Variants in JAK1 observed in about 807,000 individuals in gnomAD.
JAK1 encodes Janus kinase 1.
JAK1 carries 16 observed loss-of-function variants against 136.6 expected under a neutral mutation model. The observed-to-expected ratio is 0.12, with a 90% CI of 0.08 to 0.18. The LOEUF (loss-of-function observed/expected upper bound fraction) is 0.18, where lower values mean the gene tolerates loss of function less well. Ranked by LOEUF, JAK1 falls within the 10% of genes least tolerant of loss-of-function variation. The pLI, the probability that JAK1 is intolerant of heterozygous loss-of-function variation, is 1.00. For missense variants in JAK1, 859 were observed against 1,450.1 expected, an observed-to-expected ratio of 0.59 and a Z score of 6.62; for synonymous variants, 492 against 519.5, an observed-to-expected ratio of 0.95 and a Z score of 0.72.
intron 2 of JAK1, among the ~76,000 whole-genome samples, chr1:65,005,414 G>A (rs1484955337): frequency 2.0e-5 from 3 of 152,216 alleles, no homozygotes; most frequent in Admixed American, 1.3e-4. Flanking sequence ...GGAAGATGAT[G>A]AGAGGTTACA....
At chr1:65,007,960 G>A (rs1001247003) in intron 2 of JAK1, among the ~76,000 whole-genome samples, 1 of 152,110 alleles carries the variant, frequency 6.6e-6, no homozygotes, top group Non-Finnish European at 1.5e-5. Context: ...GTACAGGCTG[G>A]TCTCGAACTC....
intron 1 of JAK1, among the ~76,000 whole-genome samples, chr1:64,941,755 G>T (rs986771794): frequency 1.3e-5 from 2 of 152,188 alleles, no homozygotes; most frequent in African/African-American, 4.8e-5. Flanking sequence ...CATGAATCCA[G>T]GTACTTGACT....
chr1:64,922,556 T>C (rs1451802367), intron 1 of JAK1, among the ~76,000 whole-genome samples: 3 of 152,202 alleles, frequency 2.0e-5, no homozygotes, highest in East Asian at 1.9e-4. Flanking sequence ...TTCAAACATT[T>C]AGTATGATTT....
At chr1:64,944,585 A>G (rs1430594394) in intron 1 of JAK1, among the ~76,000 whole-genome samples, 1 of 151,882 alleles carries the variant, frequency 6.6e-6, no homozygotes, top group Non-Finnish European at 1.5e-5. Flanking sequence ...GGAACACAGA[A>G]TCACGGTGAA....
intron 1 of JAK1, among the ~76,000 whole-genome samples, chr1:64,902,590 G>GTGTGTGTGTA (rs1406661418): frequency 6.6e-6 from 1 of 150,924 alleles, no homozygotes; most frequent in African/African-American, 2.4e-5. Context: ...GAGAGTGTGT[G>GTGTGTGTGTA]TGTGTGTGTG....
chr1:64,859,775 T>C (rs189605275), intron 9 of JAK1: 1 of 174,912 alleles, frequency 5.7e-6, no homozygotes, highest in African/African-American at 2.3e-5. Flanking sequence ...CTCAGCTGTG[T>C]TCAGTGTTTC....
In JAK1 at chr1:64,864,884, C is replaced by T. The variant is rs1290427088; in HGVS notation, c.1079G>A (p.Arg360Gln). The T allele has an allele frequency of 9.3e-6, 15 of 1,613,706 alleles. No homozygotes were observed. In the Middle Eastern group the frequency reaches 4.9e-4, roughly 53 times the overall value. Residue 360 changes from arginine to glutamine, a missense_variant, in exon 8 of 25, where the codon CGG (arginine) becomes CAG (glutamine). Transcript: ENST00000342505. ...GTAAGAAAAATTGTTCCACTCTTCC[C>T]GGATCTTGTTTTTCTCCTCATCCTT... ...HKKDEEKNKIREEWNNFSYFP... is the reference protein window; with the variant it reads ...HKKDEEKNKIQEEWNNFSYFP...
rs1173604598 is a variant in JAK1 at position 64,908,753 on chromosome 1, CA to C, written c.-77-22413del. On this transcript the variant is annotated intron_variant, in intron 1 of 24. Transcript: ENST00000342505. ...CATGGCAAACATACACACACACACA[CA>C]CACCCCTTGTTAAAATAAAGATTCA... Among the ~76,000 whole-genome samples, 700 of 152,150 alleles carry C rather than the reference CA, an allele frequency of 4.6e-3. 4 individuals are homozygous for C. Among genetic ancestry groups the C allele is most frequent in the African/African-American group, 0.016 (645 of 41,498 alleles).
intron 2 of JAK1, among the ~76,000 whole-genome samples, chr1:65,005,530 A>T (rs1646797342): frequency 6.6e-6 from 1 of 152,184 alleles, no homozygotes; most frequent in Non-Finnish European, 1.5e-5. Flanking sequence ...TTTTCCAAGA[A>T]GCTAGAAGAG....
At chr1:64,953,587 A>G (rs993006580) in intron 1 of JAK1, among the ~76,000 whole-genome samples, 1 of 152,192 alleles carries the variant, frequency 6.6e-6, no homozygotes, top group East Asian at 1.9e-4. Context: ...ATATTTCACA[A>G]AAATATACCA....
chr1:64,942,284 T>A (rs1300523309), intron 1 of JAK1: 2 of 152,180 alleles, frequency 1.3e-5, no homozygotes, highest in Non-Finnish European at 2.9e-5. Flanking sequence ...GCAGAGACAA[T>A]CTGGCCCTTT....
rs1654901538 is a variant in JAK1, at chr1:64,841,458, T to C, written c.2547A>G (p.Glu849=). 6.2e-7 allele frequency: 1 copy of C among 1,614,222 alleles called. No individual in the cohort carries two copies. The highest frequency in any genetic ancestry group is 8.5e-7 in the Non-Finnish European group (1 of 1,180,032). Residue 849 remains glutamate (E), a synonymous_variant, in exon 18 of 25, where the codon GAA becomes GAG. Transcript: ENST00000342505. The part of the protein sequence containing the change: ...RAIMRDINKL[E]EQNPDIVSEK... ...GCACATGGCAGGTCTTACTCTGCTC[T>C]TCAAGCTTATTAATGTCTCTCATGA...
chr1:64,843,496 G>A (rs1655038260), intron 17 of JAK1, among the ~76,000 whole-genome samples: 1 of 152,168 alleles, frequency 6.6e-6, no homozygotes, highest in African/African-American at 2.4e-5. Context: ...TCAGTTACCT[G>A]ATCTGTCAAA....
intron 3 of JAK1, among the ~76,000 whole-genome samples, chr1:64,881,038 G>GTGT (rs1644764411): frequency 6.6e-6 from 1 of 152,054 alleles, no homozygotes; most frequent in Non-Finnish European, 1.5e-5. Flanking sequence ...GGAGGCTAAA[G>GTGT]CAGGAGGATC....
intron 2 of JAK1, chr1:64,985,304 G>A (rs1313397334): frequency 1.9e-6 from 3 of 1,610,192 alleles, no homozygotes; most frequent in Non-Finnish European, 2.5e-6. Flanking sequence ...GTCGGTAGCT[G>A]GATACTCTAA....
intron 2 of JAK1, among the ~76,000 whole-genome samples, chr1:65,029,300 AT>A (rs1212702984): frequency 1.3e-5 from 2 of 152,044 alleles, no homozygotes; most frequent in African/African-American, 4.8e-5. Context: ...GGGTTTCACT[AT>A]GTTGCCCAGG....
At chr1:65,029,790 A>T (rs918960356) in intron 2 of JAK1, among the ~76,000 whole-genome samples, 1 of 152,166 alleles carries the variant, frequency 6.6e-6, no homozygotes, top group African/African-American at 2.4e-5. Flanking sequence ...GGGGAACAAG[A>T]GACACTGGGG....
chr1:65,061,724 A>C (rs555146), intron 1 of JAK1, among the ~76,000 whole-genome samples: 127,163 of 152,144 alleles, frequency 0.84, 53,273 homozygotes, highest in South Asian at 0.93. Context: ...CAAATGTCCA[A>C]TACTGCTTTG....
intron 8 of JAK1, among the ~76,000 whole-genome samples, chr1:64,860,862 T>TGTGTGTG (rs1557642271): frequency 5.0e-5 from 4 of 79,888 alleles, no homozygotes; most frequent in Admixed American, 1.3e-4. Context: ...GTGTGTGTGT[T>TGTGTGTG]GGGGGTGACG....
Sources: allele counts gnomAD v4.1 joint callset (sites outside exome capture counted in the v4.1 genomes callset), GRCh38; gene constraint gnomAD v4.1.1; transcripts MANE v1.5; gene names NCBI Gene and HGNC (gene_info 2026-07-23, HGNC 2026-07-21).